Variants in KCNC4 observed in about 807,000 individuals in gnomAD.
The protein encoded by KCNC4 is potassium voltage-gated channel subfamily C member 4, also known as voltage-gated potassium channel KCNC4.
In KCNC4, 23 loss-of-function variants were observed where a neutral mutation model predicts 42.8. That is an observed-to-expected ratio of 0.54 (90% CI 0.39 to 0.76). The LOEUF (loss-of-function observed/expected upper bound fraction) is 0.76, where lower values mean the gene tolerates loss of function less well. Among genes scored for constraint, KCNC4 ranks in the 30% least tolerant of loss-of-function variants. The pLI, the probability that KCNC4 is intolerant of heterozygous loss-of-function variation, is 0.00. For synonymous variants in KCNC4, 422 were observed against 393.5 expected, an observed-to-expected ratio of 1.07 and a Z score of -0.86; for missense variants, 751 against 898.2, an observed-to-expected ratio of 0.84 and a Z score of 2.10.
intron 1 of KCNC4, among the ~76,000 whole-genome samples, chr1:110,276,747 G>A (rs1659733268): frequency 6.6e-6 from 1 of 152,174 alleles, no homozygotes; most frequent in South Asian, 2.1e-4. Flanking sequence ...GGCAGAGAGA[G>A]CAGGACATTT....
At chr1:110,282,173 C>T (rs968898224) in intron 1 of KCNC4, among the ~76,000 whole-genome samples, 1 of 152,138 alleles carries the variant, frequency 6.6e-6, no homozygotes, top group African/African-American at 2.4e-5. Context: ...AGCCATCTGC[C>T]CACATTAAAT....
At chr1:110,212,501 C>T (rs1237963685) in intron 1 of KCNC4, among the ~76,000 whole-genome samples, 3 of 152,140 alleles carry the variant, frequency 2.0e-5, no homozygotes, top group Non-Finnish European at 4.4e-5. Flanking sequence ...GCACAGGCTG[C>T]CCTATCTTCA....
downstream of KCNC4, chr1:110,249,258 A>G (rs1380540495): frequency 5.9e-5 from 9 of 152,218 alleles, no homozygotes; most frequent in African/African-American, 2.2e-4. Flanking sequence ...GGCTCTGGAA[A>G]AAATTCTTTC....
downstream of KCNC4, chr1:110,235,416 G>A (rs1658883052): frequency 6.6e-6 from 1 of 152,266 alleles, no homozygotes; most frequent in Admixed American, 6.5e-5. Context: ...ATGCGCTGCT[G>A]ACTCCATAAT....
At chr1:110,234,486 A>T (rs1222599847), downstream of KCNC4, 1 of 152,294 alleles carries the variant, frequency 6.6e-6, no homozygotes, top group Non-Finnish European at 1.5e-5. Context: ...GACTGGTGGC[A>T]CAACTGGGGA....
At chr1:110,254,656 G>C (rs1447322132) in intron 1 of KCNC4, among the ~76,000 whole-genome samples, 1 of 152,224 alleles carries the variant, frequency 6.6e-6, no homozygotes, top group African/African-American at 2.4e-5. Context: ...CGGGAACAAG[G>C]AGATGAGTTG....
At position 110,223,183 on chromosome 1, in the gene KCNC4, A is replaced by C; in HGVS notation, c.898A>C (p.Ile300Leu). 4 of 1,614,186 alleles carry C rather than the reference A, an allele frequency of 2.5e-6. No individual in the cohort carries two copies. The highest frequency in any genetic ancestry group is 3.4e-6 in the Non-Finnish European group (4 of 1,180,026). Residue 300 changes from isoleucine (I) to leucine (L), a missense_variant, in exon 2 of 4, where the codon ATC (isoleucine) becomes CTC (leucine). Transcript: ENST00000438661. This position sits in a 1 kb window ranked among gnomAD's most constrained non-coding sequence, Gnocchi z 7.5. ...GTTCACACTGGAGTTCCTGGTGCGCATCGTGTGCTGCCCCGACACGCTGGA... is the reference window on the plus strand; with the variant it reads ...GTTCACACTGGAGTTCCTGGTGCGCCTCGTGTGCTGCCCCGACACGCTGGA... ...LWFTLEFLVR[I>L]VCCPDTLDFV...
chr1:110,230,296 C>T (rs895945846), intron 3 of KCNC4, among the ~76,000 whole-genome samples: 1 of 152,178 alleles, frequency 6.6e-6, no homozygotes, highest in African/African-American at 2.4e-5. Context: ...AACTGCCCTT[C>T]AGGAGGGAGC....
chr1:110,270,249 T>G (rs1389515968), intron 1 of KCNC4, among the ~76,000 whole-genome samples: 1 of 152,218 alleles, frequency 6.6e-6, no homozygotes, highest in African/African-American at 2.4e-5. Flanking sequence ...GTTTGGATGT[T>G]GCCTGCTGCA....
At chr1:110,239,563 C>A (rs139153607) in exon 4 of KCNC4, 1 of 152,090 alleles carries the variant, frequency 6.6e-6, no homozygotes, top group Non-Finnish European at 1.5e-5. Flanking sequence ...TATAGGGGCT[C>A]GGTAAATATT....
At chr1:110,227,615 G>A (rs1220058130) in intron 3 of KCNC4, among the ~76,000 whole-genome samples, 1 of 152,226 alleles carries the variant, frequency 6.6e-6, no homozygotes, top group Non-Finnish European at 1.5e-5. Flanking sequence ...ATCCCAAACA[G>A]GCAGTGGCTT....
At chr1:110,259,978 C>T (rs189893185) in intron 1 of KCNC4, among the ~76,000 whole-genome samples, 81 of 152,312 alleles carry the variant, frequency 5.3e-4, no homozygotes, top group Non-Finnish European at 1.1e-3. Flanking sequence ...TAAGACCTGG[C>T]CAGGCTGCAT....
chr1:110,269,660 A>G (rs1266913768), intron 1 of KCNC4, among the ~76,000 whole-genome samples: 1 of 152,228 alleles, frequency 6.6e-6, no homozygotes, highest in African/African-American at 2.4e-5. Context: ...GTAAATACCT[A>G]GGAACGGGAT....
At chr1:110,283,971 AC>A (rs1659870702), downstream of KCNC4, among the ~76,000 whole-genome samples, 1 of 152,212 alleles carries the variant, frequency 6.6e-6, no homozygotes, top group South Asian at 2.1e-4. Flanking sequence ...TTTGGGCACA[AC>A]ACTAAGCCTC....
At chr1:110,235,924 TGTA>T (rs1328378418), downstream of KCNC4, 1 of 152,198 alleles carries the variant, frequency 6.6e-6, no homozygotes, top group East Asian at 1.9e-4. Flanking sequence ...ATCTTTTAAA[TGTA>T]GTATCTGCCT....
At chr1:110,224,850 G>C (rs1261072324) in intron 2 of KCNC4, 1 of 152,396 alleles carries the variant, frequency 6.6e-6, no homozygotes, top group Admixed American at 6.5e-5. Flanking sequence ...CTGGAGCCAG[G>C]AGACTAAGGC....
chr1:110,222,027 G>A (rs1397677220), intron 1 of KCNC4: 1 of 152,190 alleles, frequency 6.6e-6, no homozygotes, highest in Non-Finnish European at 1.5e-5. Context: ...AGCAGCTGTC[G>A]AGATCAGCCC....
At chr1:110,259,323 T>C (rs1184435273) in intron 1 of KCNC4, among the ~76,000 whole-genome samples, 1 of 152,198 alleles carries the variant, frequency 6.6e-6, no homozygotes, top group Non-Finnish European at 1.5e-5. Flanking sequence ...GAGGGGACGG[T>C]GGACAAGCAA....
chr1:110,250,554 G>C (rs967078937), downstream of KCNC4, among the ~76,000 whole-genome samples: 2 of 152,228 alleles, frequency 1.3e-5, no homozygotes, highest in Non-Finnish European at 2.9e-5. Context: ...CTGCATGGTT[G>C]GTGTAAGGAA....
Sources: allele counts gnomAD v4.1 joint callset (sites outside exome capture counted in the v4.1 genomes callset), GRCh38; gene constraint gnomAD v4.1.1; non-coding constraint Gnocchi (gnomAD v3.1); transcripts MANE v1.5; gene names NCBI Gene and HGNC (gene_info 2026-07-23, HGNC 2026-07-21).